PDZD2: variants seen among roughly 807,000 people sequenced by gnomAD.
The protein encoded by PDZD2 is PDZ domain-containing protein 2.
PDZD2 carries 90 observed loss-of-function variants against 220.7 expected under a neutral mutation model. The ratio of observed to expected loss-of-function variants is 0.41; its 90% CI spans 0.34 to 0.49. The LOEUF is 0.49. Ranked by LOEUF, PDZD2 falls within the 20% of genes least tolerant of loss-of-function variation. The pLI, the probability that PDZD2 is intolerant of heterozygous loss-of-function variation, is 0.28. For missense variants in PDZD2, 3,174 were observed against 3,608.5 expected, an observed-to-expected ratio of 0.88 and a Z score of 3.08; for synonymous variants, 1,375 against 1,450.5, an observed-to-expected ratio of 0.95 and a Z score of 1.18.
intron 2 of PDZD2, among the ~76,000 whole-genome samples, chr5:31,881,849 G>C (rs1739958357): frequency 6.6e-6 from 1 of 151,460 alleles, no homozygotes; most frequent in Non-Finnish European, 1.5e-5. Flanking sequence ...CGAGTAGCTG[G>C]GACTACACGC....
intron 17 of PDZD2, among the ~76,000 whole-genome samples, chr5:32,073,607 C>CA (rs1554037779): frequency 3.9e-4 from 55 of 139,800 alleles, no homozygotes; most frequent in African/African-American, 1.5e-3. Flanking sequence ...AAGAAAAGGG[C>CA]GGGGGGGGTA....
chr5:31,931,210 A>T (rs1026935380), intron 2 of PDZD2, among the ~76,000 whole-genome samples: 10 of 152,104 alleles, frequency 6.6e-5, no homozygotes, highest in African/African-American at 2.2e-4. Flanking sequence ...TTTAGTAGAG[A>T]TGGGGTTTCA....
At chr5:31,818,810 CA>C (rs370068146) in intron 2 of PDZD2, among the ~76,000 whole-genome samples, 1 of 152,082 alleles carries the variant, frequency 6.6e-6, no homozygotes, top group African/African-American at 2.4e-5. Context: ...ACTAATTCTC[CA>C]TTAATTTAAT....
intron 1 of PDZD2, among the ~76,000 whole-genome samples, chr5:31,747,337 G>A (rs1484606042): frequency 1.3e-5 from 2 of 152,316 alleles, no homozygotes; most frequent in African/African-American, 2.4e-5. Flanking sequence ...CTAATGGTAG[G>A]AAATGGAGCG....
chr5:31,990,837 C>T (rs2111933016), intron 3 of PDZD2, among the ~76,000 whole-genome samples: 1 of 152,234 alleles, frequency 6.6e-6, no homozygotes, highest in South Asian at 2.1e-4. Context: ...TGAAATAAAA[C>T]AGGGTGAAGT....
intron 3 of PDZD2, among the ~76,000 whole-genome samples, chr5:31,994,556 G>T (rs1244125860): frequency 6.6e-6 from 1 of 151,840 alleles, no homozygotes; most frequent in Non-Finnish European, 1.5e-5. Flanking sequence ...CACCATCTTG[G>T]CCCACTACAA....
In PDZD2 at chr5:31,822,727, GA is replaced by G. The variant is rs1340281939; in HGVS notation, c.476+23004del. ...GATTAATTCATCTTTCTGAGTTTGA[GA>G]TACTGAACAAGGAACACCTGGCCTC... On this transcript the variant is annotated intron_variant, in intron 2 of 24. Transcript: ENST00000438447. 2.4e-6 allele frequency: 3 copies of G among 1,243,728 alleles called. No homozygotes were observed. The African/African-American group carries it at 4.5e-5, about 19-fold the overall frequency. 77.0% of individuals were successfully genotyped at this position (1,243,728 alleles called of 1,614,324 possible).
chr5:31,916,500 C>G (rs1390404205), intron 2 of PDZD2, among the ~76,000 whole-genome samples: 2 of 152,234 alleles, frequency 1.3e-5, no homozygotes, highest in Non-Finnish European at 2.9e-5. Context: ...GCTGGCTGTC[C>G]CAGCCCAGCA....
intron 2 of PDZD2, among the ~76,000 whole-genome samples, chr5:31,928,821 C>T (rs557022394): frequency 1.3e-4 from 20 of 152,256 alleles, no homozygotes; most frequent in African/African-American, 4.6e-4. Flanking sequence ...AAAACTTTAT[C>T]AAGGATCTGA....
chr5:32,087,494 A>G lies in PDZD2; in HGVS notation c.4046A>G (p.Glu1349Gly), dbSNP rs894210517. Residue 1349 changes from glutamate (E) to glycine (G), a missense_variant, in exon 20 of 25, where the codon GAG (glutamate) becomes GGG (glycine). Coordinates refer to ENST00000438447, the MANE Select transcript of PDZD2 (RefSeq NM_178140.4). This position sits in a 1 kb window ranked among gnomAD's most constrained non-coding sequence, Gnocchi z 4.0. ...CCAGGAGACCCCCTCACATCCCAGG[A>G]GCAGAGACAGGGAGCTCCAGGTAAC... Reference protein sequence around the residue: ...VLPGDPLTSQEQRQGAPGNHS... With the variant: ...VLPGDPLTSQGQRQGAPGNHS... The G allele has an allele frequency of 2.5e-5, 40 of 1,613,206 alleles. No individual in the cohort carries two copies. The highest frequency in any genetic ancestry group is 3.1e-5 in the Non-Finnish European group (36 of 1,179,588).
At chr5:31,924,231 C>T (rs962231527) in intron 2 of PDZD2, among the ~76,000 whole-genome samples, 2 of 152,180 alleles carry the variant, frequency 1.3e-5, no homozygotes, top group Non-Finnish European at 2.9e-5. Flanking sequence ...AACCCAAACC[C>T]ACTTGGCTGC....
At chr5:31,732,372 G>A (rs539104043) in intron 1 of PDZD2, among the ~76,000 whole-genome samples, 1 of 152,156 alleles carries the variant, frequency 6.6e-6, no homozygotes, top group African/African-American at 2.4e-5. Context: ...CTTTTTGCAG[G>A]TTTGCTAGCA....
intron 2 of PDZD2, among the ~76,000 whole-genome samples, chr5:31,852,824 T>G (rs1175300471): frequency 6.6e-6 from 1 of 152,208 alleles, no homozygotes; most frequent in Non-Finnish European, 1.5e-5. Context: ...CTCGAACTCC[T>G]GACCAAAAGT....
At chr5:32,024,326 A>G (rs1754448194) in intron 6 of PDZD2, among the ~76,000 whole-genome samples, 1 of 152,218 alleles carries the variant, frequency 6.6e-6, no homozygotes, top group Non-Finnish European at 1.5e-5. Context: ...ACAGTGCATA[A>G]GCGCTTAGCT....
chr5:32,013,708 G>A (rs867169989), intron 6 of PDZD2, among the ~76,000 whole-genome samples: 8 of 152,064 alleles, frequency 5.3e-5, no homozygotes, highest in African/African-American at 1.7e-4. Context: ...CATTATCTTC[G>A]GTGGAGAAAC....
In PDZD2 at chr5:32,087,788, G is replaced by T. The variant is rs750635917; in HGVS notation, c.4340G>T (p.Gly1447Val). 4 of 1,613,596 alleles carry T rather than the reference G, an allele frequency of 2.5e-6. No individual in the cohort carries two copies. Among genetic ancestry groups the T allele is most frequent in the Non-Finnish European group, 3.4e-6 (4 of 1,179,894 alleles). Reference sequence around the variant, plus strand: ...GCAAGGTCTCCGTCTTCCCAGACGGGGGACAGTGGCTCTCAGGAGGGCAGT... The same window carrying T: ...GCAAGGTCTCCGTCTTCCCAGACGGTGGACAGTGGCTCTCAGGAGGGCAGT... ...SAARSPSSQTGDSGSQEGSAQ... is the reference protein window; with the variant it reads ...SAARSPSSQTVDSGSQEGSAQ... The change falls in exon 20 of 25, where the codon GGG (glycine) becomes GTG (valine). Residue 1447 changes from glycine (G) to valine (V), a missense_variant. Gly to Val is a moderately radical substitution (Grantham distance 109, BLOSUM62 -3). Coordinates refer to ENST00000438447, the MANE Select transcript of PDZD2 (RefSeq NM_178140.4). The surrounding 1 kb of genome is among the most constrained non-coding windows in gnomAD (Gnocchi z 4.0).
chr5:31,697,337 C>T (rs1375454509), intron 1 of PDZD2, among the ~76,000 whole-genome samples: 2 of 152,146 alleles, frequency 1.3e-5, no homozygotes, highest in Non-Finnish European at 2.9e-5. Flanking sequence ...GTGGCGGGCA[C>T]CTGTAATTCC....
At chr5:31,761,580 G>A (rs184664192) in intron 1 of PDZD2, among the ~76,000 whole-genome samples, 76 of 152,140 alleles carry the variant, frequency 5.0e-4, no homozygotes, top group Middle Eastern at 3.4e-3. Context: ...AGAAGGTTAG[G>A]CCAGGCACAG....
At chr5:31,685,163 C>T (rs1302277685) in intron 1 of PDZD2, among the ~76,000 whole-genome samples, 1 of 152,110 alleles carries the variant, frequency 6.6e-6, no homozygotes, top group Non-Finnish European at 1.5e-5. Context: ...GCCCTACCCG[C>T]TTGACCCCCT....
Sources: allele counts gnomAD v4.1 joint callset (sites outside exome capture counted in the v4.1 genomes callset), GRCh38; gene constraint gnomAD v4.1.1; non-coding constraint Gnocchi (gnomAD v3.1); transcripts MANE v1.5; gene names NCBI Gene and HGNC (gene_info 2026-07-23, HGNC 2026-07-21).